RHCG: variants seen among roughly 807,000 people sequenced by gnomAD.
RHCG encodes the protein Rh family C glycoprotein, also known as ammonium transporter Rh type C.
RHCG carries 39 observed loss-of-function variants against 55.3 expected under a neutral mutation model. The observed-to-expected ratio is 0.70, with a 90% CI of 0.55 to 0.92. RHCG has a LOEUF of 0.92. Among genes scored for constraint, RHCG ranks in the 40% least tolerant of loss-of-function variants. The pLI is 0.00. For synonymous variants in RHCG, 250 were observed against 246.8 expected (o/e 1.01, Z -0.12); for missense variants, 635 against 627.9 (o/e 1.01, Z -0.12).
At chr15:89,480,923 C>A (rs1358905775) in intron 3 of RHCG, among the ~76,000 whole-genome samples, 2 of 152,194 alleles carry the variant, frequency 1.3e-5, no homozygotes, top group African/African-American at 4.8e-5. Context: ...TCTTTTACCT[C>A]CTCCTTCCTC....
chr15:89,487,602 T>C (rs1344058097), intron 1 of RHCG, among the ~76,000 whole-genome samples: 1 of 152,154 alleles, frequency 6.6e-6, no homozygotes, highest in African/African-American at 2.4e-5. Flanking sequence ...CTCCAGCAGA[T>C]ACACATCCCC....
chr15:89,492,081 A>AC (rs1443143485), intron 1 of RHCG, among the ~76,000 whole-genome samples: 1 of 170 alleles, frequency 5.9e-3, no homozygotes, highest in Non-Finnish European at 0.013. Flanking sequence ...CTGAGGGTCA[A>AC]CAAAGTTGAC....
intron 1 of RHCG, among the ~76,000 whole-genome samples, chr15:89,494,446 GATAAATTGTATGATC>G (rs947747543): frequency 1.3e-5 from 2 of 152,130 alleles, no homozygotes; most frequent in African/African-American, 4.8e-5. Context: ...CTCTGATGAT[GATAAATTGTATGATC>G]ACACTACAGA....
chr15:89,484,021 C>A (rs1961315186), intron 2 of RHCG, among the ~76,000 whole-genome samples: 2 of 152,234 alleles, frequency 1.3e-5, no homozygotes, highest in African/African-American at 4.8e-5. Flanking sequence ...AGCAAAGCTG[C>A]CCTCTGGATT....
At position 89,490,127 on chromosome 15, in the gene RHCG, C is replaced by T. The variant is rs114595634; in HGVS notation, c.185-3142G>A. On this transcript the variant is annotated intron_variant, in intron 1 of 10. Transcript: ENST00000268122. ...GAAGGGCTGCAGCCCCCCTCCAGTCCGCCTCCCACCAGGAGGGCTGACAGG... is the reference window on the plus strand; with the variant it reads ...GAAGGGCTGCAGCCCCCCTCCAGTCTGCCTCCCACCAGGAGGGCTGACAGG... Among the ~76,000 whole-genome samples the T allele has an allele frequency of 1.0e-2, 1,518 of 152,336 alleles. 28 individuals are homozygous for T. The highest frequency in any genetic ancestry group is 0.034 in the African/African-American group (1,426 of 41,568).
chr15:89,476,021 C>T (rs561380816), intron 9 of RHCG, among the ~76,000 whole-genome samples: 3 of 151,968 alleles, frequency 2.0e-5, no homozygotes, highest in African/African-American at 7.2e-5. Flanking sequence ...CGCTCTCTCT[C>T]TCTCTCTCTC....
chr15:89,484,738 C>T (rs933877310), intron 2 of RHCG, among the ~76,000 whole-genome samples: 4 of 149,810 alleles, frequency 2.7e-5, no homozygotes, highest in Non-Finnish European at 4.4e-5. Flanking sequence ...CAAGATCGCA[C>T]CACTGCATTC....
chr15:89,496,290 G>C (rs1961564153), intron 1 of RHCG, 71 bp downstream of exon 1: 3 of 1,535,960 alleles, frequency 2.0e-6, no homozygotes, highest in Admixed American at 1.7e-5. Context: ...CCCAGCTCTG[G>C]GCCGAGCCCT....
chr15:89,486,599 A>AGAGT, intron 2 of RHCG, 200 bp downstream of exon 2: 147 of 264,424 alleles, frequency 5.6e-4, no homozygotes, highest in African/African-American at 2.7e-3. Flanking sequence ...AGAGAGAGAG[A>AGAGT]GTGTGTGTGT....
chr15:89,474,768 TCCTTCCTTCCTGCCTG>T (rs1961102613), intron 9 of RHCG, among the ~76,000 whole-genome samples: 3 of 118,414 alleles, frequency 2.5e-5, no homozygotes, highest in African/African-American at 4.8e-5. Context: ...CTTCCTGCCT[TCCTTCCTTCCTGCCTG>T]CCTTCCTTCC....
At position 89,479,342 on chromosome 15, in the gene RHCG, T is replaced by C; in HGVS notation, c.817A>G (p.Lys273Glu). 1 of 1,613,924 alleles carries C rather than the reference T, an allele frequency of 6.2e-7. No individual in the cohort carries two copies. The highest frequency in any genetic ancestry group is 8.5e-7 in the Non-Finnish European group (1 of 1,179,910). ...CTCACCATGTCCAGCTTGCCCTTCT[T>C]GTGCAGGGCACTGGATATTGCCACC... ...TSVAISSALH[K>E]KGKLDMVHIQ... is the part of the protein sequence containing the mutation. The change falls in exon 5 of 11, where the codon AAG becomes GAG. Residue 273 changes from lysine (K) to glutamate (E), a missense_variant. Lys to Glu is a moderately conservative substitution (Grantham distance 56, BLOSUM62 1). Transcript: ENST00000268122.
At chr15:89,487,610 C>G (rs1454507419) in intron 1 of RHCG, among the ~76,000 whole-genome samples, 2 of 152,172 alleles carry the variant, frequency 1.3e-5, no homozygotes, top group Admixed American at 6.5e-5. Context: ...GATACACATC[C>G]CCGCATCCCT....
rs1961384426 is a variant in RHCG, at chr15:89,486,941, G to A, written c.229C>T (p.Leu77Phe). 1 of 1,610,090 alleles carries A rather than the reference G, an allele frequency of 6.2e-7. No homozygotes were observed. The highest frequency in any genetic ancestry group is 8.5e-7 in the Non-Finnish European group (1 of 1,176,966). Reference protein sequence around the residue: ...HVMVFVGFGFLMTFLQRYGFS... With the variant: ...HVMVFVGFGFFMTFLQRYGFS... ...CCGTAGCGCTGCAGGAAAGTCATGA[G>A]GAAGCCGAAGCCCACGAAGACCATC... Residue 77 changes from leucine to phenylalanine, a missense_variant, in exon 2 of 11, where the codon CTC (leucine) becomes TTC (phenylalanine). By Grantham distance (22) the Leu-to-Phe change is conservative. Coordinates refer to ENST00000268122, the MANE Select transcript of RHCG (RefSeq NM_016321.3).
chr15:89,481,795 T>TG (rs1002776456), intron 3 of RHCG, among the ~76,000 whole-genome samples: 14 of 152,148 alleles, frequency 9.2e-5, no homozygotes, highest in South Asian at 2.1e-4. Context: ...ATTTGTTTTT[T>TG]TTTGTTTGTT....
At chr15:89,486,539 A>T in intron 2 of RHCG, 1 of 531,356 alleles carries the variant, frequency 1.9e-6, no homozygotes, top group Non-Finnish European at 3.6e-6. Flanking sequence ...GCTGATCAGG[A>T]AGCGAAGTGA....
intron 9 of RHCG, among the ~76,000 whole-genome samples, chr15:89,475,623 C>T (rs1205302698): frequency 6.6e-6 from 1 of 152,204 alleles, no homozygotes. Flanking sequence ...ATCAGAACCT[C>T]TGGGGTGGTG....
In RHCG at chr15:89,480,286, G is replaced by T. The variant is rs761801321; in HGVS notation, c.645C>A (p.Tyr215Ter). 2.5e-6 allele frequency: 4 copies of T among 1,614,132 alleles called. No homozygotes were observed. Among genetic ancestry groups the T allele is most frequent in the Non-Finnish European group, 3.4e-6 (4 of 1,180,024 alleles). ...EQSKERQNSV[Y>*]QSDLFAMIGT... ...CAATCATGGCAAAGAGGTCCGACTG[G>T]TACACAGAATTCTGTCTCTCCTTGC... The change falls in exon 4 of 11, where the codon TAC becomes TAA. Residue 215 changes from tyrosine (Y) to a stop codon, truncating the protein, a stop_gained. Transcript: ENST00000268122. LOFTEE classifies it high-confidence loss of function.
In RHCG at chr15:89,496,461, C is replaced by A. The variant is rs2141906716; in HGVS notation, c.84G>T (p.Val28=). The A allele has an allele frequency of 6.2e-7, 1 of 1,614,048 alleles. No homozygotes were observed. The highest frequency in any genetic ancestry group is 2.2e-5 in the East Asian group (1 of 44,882). Reference sequence around the variant, plus strand: ...CGGCCTCGAAGTCGTAGCGCACGAACACCCCGAAGAGAATCACCATAATCA... The same window carrying A: ...CGGCCTCGAAGTCGTAGCGCACGAAAACCCCGAAGAGAATCACCATAATCA... ...LQVIMVILFG[V]FVRYDFEADA... Residue 28 remains valine (V), a synonymous_variant, in exon 1 of 11, where the codon GTG becomes GTT. Transcript: ENST00000268122.
rs759613931 is a variant in RHCG at position 89,480,413 on chromosome 15, G to C, written c.523-5C>G. 1 of 1,611,132 alleles carries C rather than the reference G, an allele frequency of 6.2e-7. No individual in the cohort carries two copies. The highest frequency in any genetic ancestry group is 1.1e-5 in the South Asian group (1 of 90,866). On this transcript the variant is annotated splice_region_variant and splice_polypyrimidine_tract_variant and intron_variant, in intron 3 of 10. Transcript: ENST00000268122. Reference sequence around the variant, plus strand: ...GGAGCCTCCTGCATCCTTCACCTGGGGTGCAAGGGGCCTGTCAGACTCTGG... The same window carrying C: ...GGAGCCTCCTGCATCCTTCACCTGGCGTGCAAGGGGCCTGTCAGACTCTGG...
Sources: gnomAD v4.1 joint callset for allele counts (sites outside exome capture counted in the v4.1 genomes callset) on GRCh38, gnomAD v4.1.1 for gene constraint, MANE v1.5 for transcripts, NCBI Gene and HGNC (gene_info 2026-07-23, HGNC 2026-07-21) for gene names.